The following RBFOX3 variants were observed in gnomAD, a reference collection of about 807,000 sequenced individuals.
RBFOX3 encodes RNA binding protein fox-1 homolog 3.
RBFOX3 carries 17 observed loss-of-function variants against 48.7 expected under a neutral mutation model. That is an observed-to-expected ratio of 0.35 (90% CI 0.24 to 0.52). The LOEUF is 0.52. Ranked by LOEUF, RBFOX3 falls within the 20% of genes least tolerant of loss-of-function variation. The pLI is 0.94. For missense variants in RBFOX3, 382 were observed against 497.5 expected (o/e 0.77, Z 2.21); for synonymous variants, 212 against 209.5 (o/e 1.01, Z -0.10).
chr17:79,319,810 T>TTGGTCTTGTCCAGGCTGC (rs1568034800), intron 2 of RBFOX3, among the ~76,000 whole-genome samples: 60 of 41,776 alleles, frequency 1.4e-3, no homozygotes, highest in African/African-American at 6.1e-3. Context: ...GTCTGGGCTG[T>TTGGTCTTGTCCAGGCTGC]TGGTCTTGTC....
intron 1 of RBFOX3, among the ~76,000 whole-genome samples, chr17:79,583,152 C>T (rs1490496512): frequency 6.6e-6 from 1 of 152,214 alleles, no homozygotes; most frequent in African/African-American, 2.4e-5. Flanking sequence ...GTGCTGGGGA[C>T]TGGGCAGTGT....
chr17:79,613,802 C>T (rs1208507167), upstream of RBFOX3, among the ~76,000 whole-genome samples: 1 of 152,118 alleles, frequency 6.6e-6, no homozygotes, highest in Non-Finnish European at 1.5e-5. Flanking sequence ...GGTGAAACGC[C>T]GTCTCTACTA....
chr17:79,201,943 C>T (rs1193752783), intron 4 of RBFOX3, among the ~76,000 whole-genome samples: 1 of 152,236 alleles, frequency 6.6e-6, no homozygotes, highest in Non-Finnish European at 1.5e-5. Flanking sequence ...CCCAAATGCT[C>T]AGCTTCATGC....
rs1420472209 is a variant in RBFOX3 at position 79,421,184 on chromosome 17, G to A, written c.-175+61270C>T. 6.6e-6 allele frequency among the ~76,000 whole-genome samples: 1 copy of A among 152,118 alleles called. No homozygotes were observed. Among genetic ancestry groups the A allele is most frequent in the Non-Finnish European group, 1.5e-5 (1 of 68,004 alleles). On this transcript the variant is annotated intron_variant, in intron 2 of 14. Transcript: ENST00000693108. This position sits in a 1 kb window ranked among gnomAD's most constrained non-coding sequence, Gnocchi z 4.5. Reference sequence around the variant, plus strand: ...GGATGCTCCGTGCCCTAACCTACAGGCCTCCATGCCCTAACCTCCGCGGCC... The same window carrying A: ...GGATGCTCCGTGCCCTAACCTACAGACCTCCATGCCCTAACCTCCGCGGCC...
intron 2 of RBFOX3, among the ~76,000 whole-genome samples, chr17:79,377,797 G>A (rs2059403355): frequency 6.6e-6 from 1 of 152,142 alleles, no homozygotes; most frequent in Non-Finnish European, 1.5e-5. Context: ...GGTGACCCGA[G>A]GTCGCTGCCC....
chr17:79,624,284 G>T, the RBFOX3 span, among the ~76,000 whole-genome samples: 1 of 152,070 alleles, frequency 6.6e-6, no homozygotes, highest in Non-Finnish European at 1.5e-5. Context: ...TCCCGGATCA[G>T]GGTCTGCCAT....
intron 2 of RBFOX3, among the ~76,000 whole-genome samples, chr17:79,358,578 A>G (rs35405259): frequency 0.27 from 40,482 of 152,010 alleles, 5,652 homozygotes; most frequent in Middle Eastern, 0.35. Flanking sequence ...CCATTGCCTC[A>G]GTCAACCTAG....
At chr17:79,097,882 T>C in intron 9 of RBFOX3, 137 bp from the exon 10 acceptor site, 1 of 818,564 alleles carries the variant, frequency 1.2e-6, no homozygotes, top group Non-Finnish European at 2.0e-6. Context: ...CGGGCCCCCC[T>C]TTCCCACACT....
intron 1 of RBFOX3, among the ~76,000 whole-genome samples, chr17:79,489,307 T>C (rs1283495972): frequency 1.3e-5 from 2 of 152,042 alleles, no homozygotes; most frequent in Non-Finnish European, 2.9e-5. Context: ...ATTTATTTTA[T>C]TTTTTGAGAC....
chr17:79,371,242 T>C (rs1173286090), intron 2 of RBFOX3, among the ~76,000 whole-genome samples: 1 of 152,224 alleles, frequency 6.6e-6, no homozygotes, highest in Non-Finnish European at 1.5e-5. Flanking sequence ...TTGCTCTGCC[T>C]GGGCACCTGG....
chr17:79,356,884 G>C (rs1232816360), intron 2 of RBFOX3, among the ~76,000 whole-genome samples: 2 of 152,172 alleles, frequency 1.3e-5, no homozygotes, highest in African/African-American at 4.8e-5. Context: ...CACTGCCCCT[G>C]CTGCAACTCC....
At position 79,505,518 on chromosome 17, in the gene RBFOX3, T is replaced by G. The variant is rs200936557; in HGVS notation, c.-319-22920A>C. On this transcript the variant is annotated intron_variant, in intron 1 of 14. Transcript: ENST00000693108. ...TGTCCCACCTCCCCAGCTCCTCTTC[T>G]GTCTCCTTCACCTCCCCCAGTGCTT... Among the ~76,000 whole-genome samples, 3 of 151,942 alleles carry G rather than the reference T, an allele frequency of 2.0e-5. No individual in the cohort carries two copies. In the South Asian group the frequency reaches 6.2e-4, roughly 32 times the overall value.
intron 1 of RBFOX3, among the ~76,000 whole-genome samples, chr17:79,605,452 C>T (rs904909144): frequency 1.1e-4 from 17 of 152,126 alleles, no homozygotes; most frequent in Admixed American, 2.0e-4. Flanking sequence ...CACAGCCCAG[C>T]GTTCAAGGCA....
chr17:79,416,982 G>A (rs2065473502), intron 2 of RBFOX3, among the ~76,000 whole-genome samples: 1 of 152,196 alleles, frequency 6.6e-6, no homozygotes, highest in South Asian at 2.1e-4. Flanking sequence ...TAAGCCCCAG[G>A]CCCCTTGGCA....
At chr17:79,154,589 G>A (rs1038893011) in intron 4 of RBFOX3, among the ~76,000 whole-genome samples, 3 of 152,214 alleles carry the variant, frequency 2.0e-5, no homozygotes, top group African/African-American at 7.2e-5. Context: ...AATGAAGGAC[G>A]CTGGCTGGCT....
chr17:79,612,894 G>A (rs1474813196), upstream of RBFOX3, among the ~76,000 whole-genome samples: 1 of 152,160 alleles, frequency 6.6e-6, no homozygotes, highest in Non-Finnish European at 1.5e-5. Flanking sequence ...CCCCCTGTCG[G>A]TCCCGCTTGT....
chr17:79,217,251 G>A (rs1005802457), intron 4 of RBFOX3, among the ~76,000 whole-genome samples: 1 of 152,196 alleles, frequency 6.6e-6, no homozygotes, highest in Non-Finnish European at 1.5e-5. Context: ...GCTTTAAAAT[G>A]GGAGCAACAA....
At chr17:79,315,477 C>T (rs1197616600) in intron 2 of RBFOX3, among the ~76,000 whole-genome samples, 5 of 152,238 alleles carry the variant, frequency 3.3e-5, no homozygotes, top group Non-Finnish European at 7.3e-5. Flanking sequence ...CCTCTCCCAT[C>T]CCCCGACAGA....
At chr17:79,257,500 C>T (rs375822128) in intron 3 of RBFOX3, among the ~76,000 whole-genome samples, 2 of 152,238 alleles carry the variant, frequency 1.3e-5, no homozygotes, top group African/African-American at 4.8e-5. Flanking sequence ...GGAAGCTGCT[C>T]ACCTACCAGG....
Sources: gnomAD v4.1 joint callset for allele counts (sites outside exome capture counted in the v4.1 genomes callset) on GRCh38, gnomAD v4.1.1 for gene constraint, Gnocchi (gnomAD v3.1) non-coding constraint, MANE v1.5 for transcripts, NCBI Gene and HGNC (gene_info 2026-07-23, HGNC 2026-07-21) for gene names.